Variants in ANK3 observed in about 807,000 individuals in gnomAD.
ANK3 encodes ankyrin-3.
ANK3 carries 57 observed loss-of-function variants against 370.9 expected under a neutral mutation model. That is an observed-to-expected ratio of 0.15 (90% confidence interval 0.12 to 0.19). The LOEUF (loss-of-function observed/expected upper bound fraction) is 0.19. Among genes scored for constraint, ANK3 ranks in the 10% least tolerant of loss-of-function variants. The pLI, the probability that ANK3 is intolerant of heterozygous loss-of-function variation, is 1.00. For synonymous variants in ANK3, 1,929 were observed against 1,946.3 expected, an observed-to-expected ratio of 0.99 and a Z score of 0.23; for missense variants, 4,439 against 5,302.1, an observed-to-expected ratio of 0.84 and a Z score of 5.06.
At chr10:60,327,638 A>C (rs938147541) in intron 1 of ANK3, among the ~76,000 whole-genome samples, 1 of 152,220 alleles carries the variant, frequency 6.6e-6, no homozygotes. Context: ...AGGCTGTGTC[A>C]CTTTAACTAG....
At chr10:60,115,437 A>C (rs2132116474) in intron 25 of ANK3, among the ~76,000 whole-genome samples, 1 of 152,330 alleles carries the variant, frequency 6.6e-6, no homozygotes. Context: ...GCATGGTCAG[A>C]GTGTGTGGAT....
rs1315234451 is a variant in ANK3, at chr10:60,689,976, A to C, written c.57+43287T>G. The stretch of plus-strand genomic sequence containing the variant: ...GCAAACATGCCATTGTAGTATACAA[A>C]CATGCTTGAGAATAGCAAATTTCAA... On this transcript the variant is annotated intron_variant, in intron 1 of 43. Transcript: ENST00000373827. Among the ~76,000 whole-genome samples, 5 of 152,338 alleles carry C rather than the reference A, an allele frequency of 3.3e-5. No homozygotes were observed. In the East Asian group the frequency reaches 9.6e-4, roughly 29 times the overall value.
At chr10:60,403,251 TG>T (rs956462259) in intron 2 of ANK3, among the ~76,000 whole-genome samples, 31 of 152,182 alleles carry the variant, frequency 2.0e-4, no homozygotes, top group Admixed American at 6.5e-5. Context: ...ATGGTTTTGC[TG>T]GTGGTTTCTA....
chr10:60,164,971 A>C (rs960535687), intron 23 of ANK3, among the ~76,000 whole-genome samples: 1 of 152,204 alleles, frequency 6.6e-6, no homozygotes, highest in African/African-American at 2.4e-5. Flanking sequence ...CCAAGCTGAG[A>C]TAAACACATT....
intron 1 of ANK3, among the ~76,000 whole-genome samples, chr10:60,346,755 T>A (rs1447683518): frequency 6.6e-6 from 1 of 152,042 alleles, no homozygotes; most frequent in Non-Finnish European, 1.5e-5. Flanking sequence ...ATGCCTCATG[T>A]CTTTTGCCCT....
At chr10:60,098,029 T>G (rs2090476045) in intron 28 of ANK3, among the ~76,000 whole-genome samples, 2 of 152,162 alleles carry the variant, frequency 1.3e-5, no homozygotes, top group Admixed American at 1.3e-4. Flanking sequence ...GTGCCCAGGG[T>G]TGAAATATAG....
chr10:60,689,384 G>A (rs1265474507), intron 1 of ANK3, among the ~76,000 whole-genome samples: 2 of 152,182 alleles, frequency 1.3e-5, no homozygotes, highest in African/African-American at 2.4e-5. Context: ...GAGCAACAGA[G>A]TGAGACCCTG....
chr10:60,399,613 G>A (rs1396293205), intron 2 of ANK3, among the ~76,000 whole-genome samples: 1 of 152,222 alleles, frequency 6.6e-6, no homozygotes, highest in East Asian at 1.9e-4. Flanking sequence ...CCTGAACAAC[G>A]GAGCTGCAGG....
intron 2 of ANK3, among the ~76,000 whole-genome samples, chr10:60,578,542 G>A (rs937523787): frequency 2.0e-5 from 3 of 152,124 alleles, no homozygotes; most frequent in African/African-American, 7.2e-5. Context: ...CCCTTGCTTT[G>A]TAAAAGGTAA....
chr10:60,126,964 T>G (rs1231789740), intron 25 of ANK3, among the ~76,000 whole-genome samples: 3 of 152,196 alleles, frequency 2.0e-5, no homozygotes, highest in Non-Finnish European at 4.4e-5. Context: ...ATACTCCCTT[T>G]CCAGGGATGG....
chr10:60,040,493 A>T (rs1203600631), intron 43 of ANK3, among the ~76,000 whole-genome samples: 1 of 152,166 alleles, frequency 6.6e-6, no homozygotes, highest in East Asian at 1.9e-4. Context: ...TTTCAATCTG[A>T]CACATTGTTT....
chr10:60,652,779 A>G (rs1170231116), intron 1 of ANK3, among the ~76,000 whole-genome samples: 1 of 152,042 alleles, frequency 6.6e-6, no homozygotes, highest in African/African-American at 2.4e-5. Context: ...AAGTAGTTAG[A>G]AGTCGAAGCA....
chr10:60,425,276 C>T (rs550800073), intron 2 of ANK3, among the ~76,000 whole-genome samples: 13 of 152,138 alleles, frequency 8.5e-5, no homozygotes, highest in African/African-American at 2.9e-4. Flanking sequence ...ATAATTTTGG[C>T]AGCACTGGAA....
At chr10:60,059,242 T>A (rs1404731663) in intron 41 of ANK3, 98 bp downstream of exon 41, 1 of 1,015,874 alleles carries the variant, frequency 9.8e-7, no homozygotes, top group East Asian at 2.4e-5. Flanking sequence ...AGAACTAGAA[T>A]GGTAATTTAG....
intron 7 of ANK3, among the ~76,000 whole-genome samples, chr10:60,258,556 C>G (rs993415819): frequency 6.6e-6 from 1 of 152,220 alleles, no homozygotes; most frequent in Non-Finnish European, 1.5e-5. Context: ...CAAATGAATA[C>G]AGAAAGCAAT....
At chr10:60,512,154 G>C (rs1206462009) in intron 2 of ANK3, among the ~76,000 whole-genome samples, 1 of 151,828 alleles carries the variant, frequency 6.6e-6, no homozygotes, top group Non-Finnish European at 1.5e-5. Flanking sequence ...ATCTTGTATA[G>C]GAAAAGTTCA....
chr10:60,104,740 C>A (rs2091933225), intron 28 of ANK3, among the ~76,000 whole-genome samples: 1 of 152,160 alleles, frequency 6.6e-6, no homozygotes, highest in Non-Finnish European at 1.5e-5. Flanking sequence ...TATACCAAAC[C>A]TTTGGCATGA....
intron 1 of ANK3, among the ~76,000 whole-genome samples, chr10:60,671,094 A>G (rs1489682270): frequency 2.0e-5 from 3 of 151,990 alleles, no homozygotes; most frequent in African/African-American, 4.8e-5. Context: ...AGAGAAATAA[A>G]CTCTTATCTT....
chr10:60,565,469 C>A (rs545943671), intron 2 of ANK3, among the ~76,000 whole-genome samples: 5 of 152,168 alleles, frequency 3.3e-5, no homozygotes, highest in Non-Finnish European at 7.3e-5. Context: ...GGGACCCCTG[C>A]TATAAACTAT....
Sources: allele counts gnomAD v4.1 joint callset (sites outside exome capture counted in the v4.1 genomes callset), GRCh38; gene constraint gnomAD v4.1.1; transcripts MANE v1.5; gene names NCBI Gene and HGNC (gene_info 2026-07-23, HGNC 2026-07-21).